The following MEGF6 variants were observed in gnomAD, a reference collection of about 807,000 sequenced individuals.
The protein encoded by MEGF6 is multiple EGF like domains 6.
Under a neutral mutation model 207.1 loss-of-function variants are expected in MEGF6, and 184 were observed. The observed-to-expected ratio is 0.89, with a 90% CI of 0.79 to 1.00. The LOEUF (loss-of-function observed/expected upper bound fraction) is 1.00. MEGF6 is among the 50% of genes least tolerant of loss of function. MEGF6 has a pLI of 0.00. For missense variants in MEGF6, 2,282 were observed against 2,202.9 expected (o/e 1.04, Z -0.72); for synonymous variants, 1,038 against 910.0 (o/e 1.14, Z -2.53).
At chr1:3,531,048 G>T (rs1166727714) in intron 4 of MEGF6, 3 of 1,297,454 alleles carry the variant, frequency 2.3e-6, no homozygotes, top group South Asian at 1.4e-5. Context: ...CCCTGGCCCC[G>T]CCCGCCCTGC....
intron 4 of MEGF6, among the ~76,000 whole-genome samples, chr1:3,548,985 G>A (rs568297758): frequency 3.9e-5 from 6 of 152,242 alleles, no homozygotes; most frequent in East Asian, 3.9e-4. Context: ...GGCTGCAATC[G>A]CCCCTTGTTC....
chr1:3,520,650 G>A (rs951373802), intron 5 of MEGF6, among the ~76,000 whole-genome samples: 13 of 152,116 alleles, frequency 8.5e-5, no homozygotes, highest in African/African-American at 2.2e-4. Flanking sequence ...AGGACTGGGC[G>A]GGCAGGGCTG....
chr1:3,548,082 A>G (rs1027327698), intron 4 of MEGF6, among the ~76,000 whole-genome samples: 4 of 152,034 alleles, frequency 2.6e-5, no homozygotes, highest in Non-Finnish European at 5.9e-5. Flanking sequence ...CCCCAGCTGC[A>G]TGGGGATCGG....
chr1:3,523,076 G>GC (rs200503308), intron 5 of MEGF6, among the ~76,000 whole-genome samples: 2,719 of 142,312 alleles, frequency 0.019, 110 homozygotes, highest in African/African-American at 0.078. Flanking sequence ...GTGTGTGCCG[G>GC]GGGGGGGGCC....
chr1:3,602,339 A>T, intron 2 of MEGF6, 127 bp downstream of exon 2: 1 of 1,386,756 alleles, frequency 7.2e-7, no homozygotes, highest in Non-Finnish European at 9.8e-7. Context: ...TGAGGGCTTC[A>T]GGCAGGGGTT....
chr1:3,529,452 T>G (rs1642073715), intron 4 of MEGF6, among the ~76,000 whole-genome samples: 1 of 152,174 alleles, frequency 6.6e-6, no homozygotes, highest in Non-Finnish European at 1.5e-5. Context: ...AGCTGCGACA[T>G]GAACCTGGGG....
intron 17 of MEGF6, among the ~76,000 whole-genome samples, chr1:3,503,556 C>T (rs1640987714): frequency 6.6e-6 from 1 of 151,944 alleles, no homozygotes; most frequent in African/African-American, 2.4e-5. Context: ...GCTTCTCTGG[C>T]GAGGCCTGTT....
At chr1:3,595,294 G>GGGTGGA (rs775102462) in intron 3 of MEGF6, 44 bp downstream of exon 3, 6 of 1,405,226 alleles carry the variant, frequency 4.3e-6, no homozygotes, top group South Asian at 3.5e-5. Flanking sequence ...GAGTCCTCTG[G>GGGTGGA]GGTGGAGGTG....
intron 4 of MEGF6, among the ~76,000 whole-genome samples, chr1:3,568,909 C>G (rs895475281): frequency 6.6e-6 from 1 of 152,206 alleles, no homozygotes; most frequent in Non-Finnish European, 1.5e-5. Flanking sequence ...TGCAGCTTGG[C>G]CTAGCCTCTC....
At chr1:3,493,374 G>A (rs1427047237) in intron 34 of MEGF6, 1 of 261,006 alleles carries the variant, frequency 3.8e-6, no homozygotes, top group East Asian at 9.8e-5. Context: ...CCTCAGGTGG[G>A]TCCCTCCTAT....
rs563818470 is a variant in MEGF6 at position 3,587,241 on chromosome 1, A to C, written c.377-7312T>G. 2.6e-5 allele frequency among the ~76,000 whole-genome samples: 4 copies of C among 152,380 alleles called. No individual in the cohort carries two copies. The South Asian group carries it at 8.3e-4, about 32-fold the overall frequency. On this transcript the variant is annotated intron_variant, in intron 3 of 36. Transcript: ENST00000356575. Reference sequence around the variant, plus strand: ...CCGAGGACTCCGCGGTCATAACACCAGCGGGCCTTCAGCTGCTGGAAAGGG... The same window carrying C: ...CCGAGGACTCCGCGGTCATAACACCCGCGGGCCTTCAGCTGCTGGAAAGGG...
chr1:3,532,419 G>A (rs1403025072), intron 4 of MEGF6, among the ~76,000 whole-genome samples: 2 of 152,268 alleles, frequency 1.3e-5, no homozygotes, highest in East Asian at 1.9e-4. Context: ...GCAAGCTGTG[G>A]TGCTCAATGA....
chr1:3,488,903 G>T lies in MEGF6; in HGVS notation c.*1625C>A, dbSNP rs114569826. Among the ~76,000 whole-genome samples the T allele has an allele frequency of 6.6e-6, 1 of 152,122 alleles. No homozygotes were observed. The highest frequency in any genetic ancestry group is 2.4e-5 in the African/African-American group (1 of 41,408). ...TTGGTCGTCGTTGCTTCATGTCAAT[G>T]ACTTCTTACTTTTGTATTTTGCAGT... On this transcript the variant is annotated 3_prime_UTR_variant, in exon 37 of 37. Coordinates refer to ENST00000356575, the MANE Select transcript of MEGF6 (RefSeq NM_001409.4).
At chr1:3,548,490 C>T (rs924430923) in intron 4 of MEGF6, among the ~76,000 whole-genome samples, 1 of 152,226 alleles carries the variant, frequency 6.6e-6, no homozygotes, top group Non-Finnish European at 1.5e-5. Flanking sequence ...TTACACAGGG[C>T]GAGACGGAGG....
chr1:3,503,376 AAG>A (rs144936390), intron 17 of MEGF6, among the ~76,000 whole-genome samples: 16,074 of 152,154 alleles, frequency 0.11, 1,151 homozygotes, highest in East Asian at 0.38. Context: ...TATCTTTATA[AAG>A]AGTGTTGATC....
chr1:3,595,290 T>C (rs1644042802), intron 3 of MEGF6, 48 bp downstream of exon 3: 8 of 1,380,752 alleles, frequency 5.8e-6, no homozygotes, highest in Non-Finnish European at 8.2e-6. Context: ...TGCTGAGTCC[T>C]CTGGGGTGGA....
chr1:3,524,249 G>T lies in MEGF6; in HGVS notation c.482-3C>A, dbSNP rs891662173. On this transcript the variant is annotated splice_polypyrimidine_tract_variant and splice_region_variant and intron_variant, in intron 4 of 36. Transcript: ENST00000356575. ...GTGGGTTCGGCATTCGTCCACATCTGAGCAGGAATGGGGAAGGATCAGCAG... is the reference window on the plus strand; with the variant it reads ...GTGGGTTCGGCATTCGTCCACATCTTAGCAGGAATGGGGAAGGATCAGCAG... 1.9e-6 allele frequency: 3 copies of T among 1,608,340 alleles called. No individual in the cohort carries two copies. The highest frequency in any genetic ancestry group is 2.6e-6 in the Non-Finnish European group (3 of 1,176,140).
chr1:3,572,437 CTCCTGGGTGTGCTGGGTCCT>C lies in MEGF6; in HGVS notation c.481+7368_481+7387del, dbSNP rs1375521041. On this transcript the variant is annotated intron_variant, in intron 4 of 36. Transcript: ENST00000356575. ...TGGGTTCTCTCAGGTGTGCTGGGTC[CTCCTGGGTGTGCTGGGTCCT>C]TCCTGGGTGTGCTGGGTCCTTCCTG... is the stretch of plus-strand genomic sequence containing the variant. Among the ~76,000 whole-genome samples the C allele has an allele frequency of 1.6e-3, 199 of 121,748 alleles. 2 individuals carry two copies. The highest frequency in any genetic ancestry group is 5.7e-3 in the African/African-American group (171 of 29,822). The allele number at this position is 121,748 out of a possible 152,430, so 79.9% of individuals were successfully genotyped here.
intron 26 of MEGF6, 167 bp from the exon 27 acceptor site, chr1:3,497,528 C>G: frequency 2.1e-6 from 2 of 974,358 alleles, no homozygotes; most frequent in Middle Eastern, 2.1e-4. Context: ...CCCCGGAGGG[C>G]AGAGGCAGGC....
Sources: gnomAD v4.1 joint callset for allele counts (sites outside exome capture counted in the v4.1 genomes callset) on GRCh38, gnomAD v4.1.1 for gene constraint, MANE v1.5 for transcripts, NCBI Gene and HGNC (gene_info 2026-07-23, HGNC 2026-07-21) for gene names.